The following VPS13C variants were observed in gnomAD, a reference collection of about 807,000 sequenced individuals.
The protein encoded by VPS13C is intermembrane lipid transfer protein VPS13C.
VPS13C carries 358 observed loss-of-function variants against 456.8 expected under a neutral mutation model. The observed-to-expected ratio is 0.78, with a 90% CI of 0.72 to 0.86. The LOEUF is 0.86. Ranked by LOEUF, VPS13C falls within the 40% of genes least tolerant of loss-of-function variation. VPS13C has a pLI of 0.00. For synonymous variants in VPS13C, 1,578 were observed against 1,486.7 expected (o/e 1.06, Z -1.41); for missense variants, 4,818 against 4,385.4 (o/e 1.10, Z -2.79).
At chr15:61,999,727 G>A (rs936172008) in intron 16 of VPS13C, among the ~76,000 whole-genome samples, 7 of 151,402 alleles carry the variant, frequency 4.6e-5, no homozygotes, top group African/African-American at 7.3e-5. Context: ...GGAACACTGC[G>A]CACAAGGCAT....
chr15:62,050,805 C>CAAAAAAAAA (rs34228451), intron 1 of VPS13C, among the ~76,000 whole-genome samples: 1 of 55,884 alleles, frequency 1.8e-5, no homozygotes, highest in Non-Finnish European at 3.6e-5. Flanking sequence ...GACCCAGTCT[C>CAAAAAAAAA]AAAAAAAAAA....
chr15:61,871,358 C>T (rs766468529), intron 79 of VPS13C, among the ~76,000 whole-genome samples: 2 of 152,034 alleles, frequency 1.3e-5, no homozygotes, highest in Non-Finnish European at 2.9e-5. Context: ...CGGTTCTTTC[C>T]TATTGAATTA....
chr15:61,975,862 A>G (rs1247670610), intron 24 of VPS13C, among the ~76,000 whole-genome samples: 2 of 152,052 alleles, frequency 1.3e-5, no homozygotes, highest in Non-Finnish European at 2.9e-5. Flanking sequence ...AAGTCCAAAA[A>G]TATTTTTAAA....
At chr15:62,037,528 A>ATTATATTGTAAGAATATAATAAATC (rs1303884614) in intron 3 of VPS13C, among the ~76,000 whole-genome samples, 1 of 54,116 alleles carries the variant, frequency 1.8e-5, no homozygotes, top group Admixed American at 2.7e-4. Flanking sequence ...TATAATAAAT[A>ATTATATTGTAAGAATATAATAAATC]ATGCAAAATT....
chr15:61,982,806 T>C (rs1473671800), intron 20 of VPS13C, among the ~76,000 whole-genome samples: 1 of 152,228 alleles, frequency 6.6e-6, no homozygotes, highest in Non-Finnish European at 1.5e-5. Context: ...GTGTAAAGTA[T>C]GTTCTACAGC....
At chr15:61,930,940 T>C (rs976729029) in intron 50 of VPS13C, 150 bp downstream of exon 50, 4 of 827,766 alleles carry the variant, frequency 4.8e-6, no homozygotes, top group African/African-American at 1.7e-5. Flanking sequence ...AATCTGATAT[T>C]AGCACTACTT....
intron 32 of VPS13C, among the ~76,000 whole-genome samples, 165 bp downstream of exon 32, chr15:61,963,670 G>A (rs1319507849): frequency 6.6e-6 from 1 of 151,954 alleles, no homozygotes; most frequent in Non-Finnish European, 1.5e-5. Context: ...GTCAGATTCT[G>A]ACCAATATCT....
At chr15:61,985,546 C>T (rs1037563661) in intron 18 of VPS13C, among the ~76,000 whole-genome samples, 1 of 152,266 alleles carries the variant, frequency 6.6e-6, no homozygotes, top group South Asian at 2.1e-4. Context: ...CGTGAGCCAC[C>T]GTACCCAGCC....
chr15:61,966,274 C>T (rs973960442), intron 29 of VPS13C, 132 bp from the exon 30 acceptor site: 20 of 490,292 alleles, frequency 4.1e-5, no homozygotes, highest in Non-Finnish European at 3.4e-6. Flanking sequence ...AATTTTATTG[C>T]CATTATTTTA....
At chr15:61,966,415 T>C (rs1175055610) in intron 29 of VPS13C, among the ~76,000 whole-genome samples, 1 of 151,876 alleles carries the variant, frequency 6.6e-6, no homozygotes, top group African/African-American at 2.4e-5. Flanking sequence ...TTGTAAGGTG[T>C]CACAGTCACG....
chr15:61,959,525 C>T lies in VPS13C; in HGVS notation c.3979G>A (p.Val1327Ile). The T allele has an allele frequency of 6.2e-7, 1 of 1,613,020 alleles. No individual in the cohort carries two copies. The highest frequency in any genetic ancestry group is 8.5e-7 in the Non-Finnish European group (1 of 1,179,342). Residue 1327 changes from valine (V) to isoleucine (I), a missense_variant, in exon 36 of 85, where the codon GTA becomes ATA. Val to Ile is a conservative substitution (Grantham distance 29). Coordinates refer to ENST00000644861, the MANE Select transcript of VPS13C (RefSeq NM_020821.3). The part of the protein sequence containing the change: ...LLHPINLEFL[V>I]NRNLAASWYH... ...CAAGATGCAGCTAGATTCCGATTTA[C>T]AAGAAATTCCAAGTTAATTGGGTGC... is the stretch of plus-strand genomic sequence containing the variant.
At chr15:61,942,527 G>A (rs1314534332) in intron 45 of VPS13C, among the ~76,000 whole-genome samples, 1 of 150,032 alleles carries the variant, frequency 6.7e-6, no homozygotes, top group Admixed American at 6.6e-5. Context: ...GCTTCTGCCG[G>A]CTTATTTCTG....
At chr15:62,035,882 G>T (rs1475690301) in intron 3 of VPS13C, among the ~76,000 whole-genome samples, 1 of 151,966 alleles carries the variant, frequency 6.6e-6, no homozygotes, top group East Asian at 1.9e-4. Context: ...CAATTTTGGG[G>T]TTTTATGGGG....
intron 1 of VPS13C, among the ~76,000 whole-genome samples, chr15:62,052,646 C>A (rs892326881): frequency 1.3e-4 from 18 of 139,448 alleles, no homozygotes; most frequent in Non-Finnish European, 3.0e-5. Context: ...GCACTCCAGC[C>A]TGGGCGACAA....
intron 4 of VPS13C, among the ~76,000 whole-genome samples, chr15:62,033,897 A>G (rs1426180850): frequency 6.6e-6 from 1 of 151,670 alleles, no homozygotes; most frequent in Non-Finnish European, 1.5e-5. Flanking sequence ...TTAATATCCA[A>G]TACTACCTGG....
chr15:61,966,164 C>T, intron 29 of VPS13C, 22 bp from the exon 30 acceptor site: 1 of 1,573,782 alleles, frequency 6.4e-7, no homozygotes. Flanking sequence ...AGTAAAAGTT[C>T]TAAAGAAGGT....
At chr15:61,941,587 A>C (rs1018270163) in intron 46 of VPS13C, among the ~76,000 whole-genome samples, 176 bp downstream of exon 46, 1 of 152,196 alleles carries the variant, frequency 6.6e-6, no homozygotes, top group African/African-American at 2.4e-5. Flanking sequence ...TACAGACTCC[A>C]TGAGGCACAT....
At chr15:61,869,372 A>T (rs1894843222) in intron 80 of VPS13C, 128 bp downstream of exon 80, 1 of 1,087,546 alleles carries the variant, frequency 9.2e-7, no homozygotes, top group South Asian at 2.1e-5. Flanking sequence ...CTATGTTTTA[A>T]AGCTACCACA....
At chr15:61,895,448 T>G (rs915065877) in intron 66 of VPS13C, among the ~76,000 whole-genome samples, 2 of 151,878 alleles carry the variant, frequency 1.3e-5, no homozygotes, top group African/African-American at 4.8e-5. Context: ...TGGACAAACT[T>G]TTAGCTAGAC....
Sources: allele counts gnomAD v4.1 joint callset (sites outside exome capture counted in the v4.1 genomes callset), GRCh38; gene constraint gnomAD v4.1.1; transcripts MANE v1.5; gene names NCBI Gene and HGNC (gene_info 2026-07-23, HGNC 2026-07-21).